The following ERC1 variants were observed in gnomAD, a reference collection of about 807,000 sequenced individuals.
ERC1 encodes RAB6 interacting protein 2.
In ERC1, 56 loss-of-function variants were observed where a neutral mutation model predicts 132.0. That is an observed-to-expected ratio of 0.42 (90% CI 0.34 to 0.53). The LOEUF (loss-of-function observed/expected upper bound fraction) is 0.53. Ranked by LOEUF, ERC1 falls within the 20% of genes least tolerant of loss-of-function variation. ERC1 has a pLI of 0.03. For synonymous variants in ERC1, 478 were observed against 476.1 expected (o/e 1.00, Z -0.05); for missense variants, 1,202 against 1,349.9 (o/e 0.89, Z 1.72).
intron 14 of ERC1, among the ~76,000 whole-genome samples, chr12:1,289,092 C>T (rs1448280041): frequency 2.0e-4 from 26 of 128,806 alleles, no homozygotes; most frequent in African/African-American, 8.7e-4. Flanking sequence ...TGTACACACA[C>T]ACACACACAC....
At chr12:1,374,328 A>G (rs544229360) in intron 16 of ERC1, among the ~76,000 whole-genome samples, 105 of 152,226 alleles carry the variant, frequency 6.9e-4, no homozygotes, top group African/African-American at 2.0e-3. Flanking sequence ...GGATATATAG[A>G]TTTGGGGGTC....
chr12:1,364,943 C>G (rs148278854), intron 15 of ERC1, among the ~76,000 whole-genome samples: 15 of 152,190 alleles, frequency 9.9e-5, no homozygotes, highest in Non-Finnish European at 1.9e-4. Context: ...ACCAAAATCT[C>G]TCTCTTTTGC....
chr12:1,128,494 C>A (rs1175783037), intron 7 of ERC1, among the ~76,000 whole-genome samples: 1 of 152,124 alleles, frequency 6.6e-6, no homozygotes, highest in Non-Finnish European at 1.5e-5. Flanking sequence ...CTCAGCCTCT[C>A]GTAGTGTTAG....
intron 2 of ERC1, among the ~76,000 whole-genome samples, chr12:1,033,867 T>G (rs1968559595): frequency 6.6e-6 from 1 of 152,102 alleles, no homozygotes; most frequent in Non-Finnish European, 1.5e-5. Flanking sequence ...TGACCTCAGG[T>G]GATCTGCCCG....
At chr12:1,028,790 T>TG (rs1432750565) in intron 2 of ERC1, among the ~76,000 whole-genome samples, 1 of 152,088 alleles carries the variant, frequency 6.6e-6, no homozygotes, top group Non-Finnish European at 1.5e-5. Flanking sequence ...CTCCCATTCT[T>TG]GCTTGGTTCT....
intron 17 of ERC1, chr12:1,443,178 C>G (rs1016789324): frequency 8.6e-5 from 13 of 152,024 alleles, no homozygotes; most frequent in African/African-American, 2.7e-4. Flanking sequence ...GTATTACAGG[C>G]GTGAGCCACC....
intron 18 of ERC1, among the ~76,000 whole-genome samples, chr12:1,460,152 G>A (rs7976604): frequency 0.017 from 2,630 of 152,054 alleles, 83 homozygotes; most frequent in African/African-American, 0.06. Flanking sequence ...GATGTTTCCC[G>A]CATCCTTCTA....
intron 18 of ERC1, among the ~76,000 whole-genome samples, chr12:1,459,224 TCCTAGAAA>T (rs1277149909): frequency 6.6e-6 from 1 of 152,264 alleles, no homozygotes; most frequent in African/African-American, 2.4e-5. Flanking sequence ...ATTTAGGGTC[TCCTAGAAA>T]ATGGTTTCTA....
intron 18 of ERC1, among the ~76,000 whole-genome samples, chr12:1,476,743 G>A (rs575904712): frequency 2.6e-4 from 39 of 152,144 alleles, no homozygotes; most frequent in African/African-American, 4.1e-4. Context: ...CTTTACACAG[G>A]TCTATACCCT....
intron 18 of ERC1, among the ~76,000 whole-genome samples, chr12:1,446,546 C>T (rs1241269893): frequency 1.3e-5 from 2 of 152,192 alleles, no homozygotes; most frequent in African/African-American, 4.8e-5. Flanking sequence ...TAAATACTTT[C>T]TATTTCTTAA....
intron 15 of ERC1, among the ~76,000 whole-genome samples, chr12:1,310,209 T>A (rs56817602): frequency 0.36 from 54,798 of 151,186 alleles, 10,258 homozygotes; most frequent in Middle Eastern, 0.44. Context: ...AAACAGTTCT[T>A]TTTTATTTTA....
In ERC1 at chr12:1,370,701, T is replaced by G. The variant is rs964091966; in HGVS notation, c.2781-1132T>G. Among the ~76,000 whole-genome samples the G allele has an allele frequency of 8.3e-5, 12 of 144,906 alleles. 1 individual carries two copies. Among genetic ancestry groups the G allele is most frequent in the African/African-American group, 3.5e-4 (12 of 34,504 alleles). ...AAATACTAAGTTCTTACTAATATAGTTTTTTTTAAAAGGTTAACAATTTTT... is the reference window on the plus strand; with the variant it reads ...AAATACTAAGTTCTTACTAATATAGGTTTTTTTAAAAGGTTAACAATTTTT... On this transcript the variant is annotated intron_variant, in intron 15 of 18. Coordinates refer to ENST00000360905, the MANE Select transcript of ERC1 (RefSeq NM_178040.4).
chr12:1,410,694 T>C (rs1350491577), intron 17 of ERC1, among the ~76,000 whole-genome samples: 1 of 151,740 alleles, frequency 6.6e-6, no homozygotes, highest in Non-Finnish European at 1.5e-5. Context: ...TGTAATTTCT[T>C]TTTATACATT....
At chr12:1,227,304 CT>C (rs2074660062) in intron 12 of ERC1, among the ~76,000 whole-genome samples, 1 of 152,146 alleles carries the variant, frequency 6.6e-6, no homozygotes, top group Admixed American at 6.6e-5. Flanking sequence ...TATCTTTTGT[CT>C]TTTTCATAGT....
intron 15 of ERC1, among the ~76,000 whole-genome samples, chr12:1,320,952 C>A (rs553481833): frequency 2.2e-4 from 34 of 152,216 alleles, no homozygotes; most frequent in Non-Finnish European, 4.3e-4. Flanking sequence ...CCGCCTGCCT[C>A]AGCTTCCCAA....
In ERC1 at chr12:1,083,550, G is replaced by A. The variant is rs1215223421; in HGVS notation, c.1056G>A (p.Gln352=). The change falls in exon 3 of 19, where the codon CAG becomes CAA. Residue 352 remains glutamine (Q), a synonymous_variant. Coordinates refer to ENST00000360905, the MANE Select transcript of ERC1 (RefSeq NM_178040.4). ...ATCACCTAGAAAGCCTTTTGGAGCA[G>A]AAGGAAAAAGAGAACAGTATGTTGA... The part of the protein sequence containing the change: ...HVHHLESLLE[Q]KEKENSMLRE... 2 of 1,604,356 alleles carry A rather than the reference G, an allele frequency of 1.2e-6. No individual in the cohort carries two copies. The highest frequency in any genetic ancestry group is 3.5e-5 in the Admixed American group (2 of 56,918).
chr12:1,148,193 G>A (rs1593714087), intron 8 of ERC1, among the ~76,000 whole-genome samples: 1 of 152,266 alleles, frequency 6.6e-6, no homozygotes, highest in African/African-American at 2.4e-5. Context: ...AAAAGTTTTT[G>A]TATTAGTCCA....
chr12:1,193,863 C>T (rs1955972176), intron 12 of ERC1, among the ~76,000 whole-genome samples: 1 of 152,164 alleles, frequency 6.6e-6, no homozygotes, highest in Non-Finnish European at 1.5e-5. Context: ...TTCACAAGCA[C>T]CATCTAGATT....
intron 12 of ERC1, among the ~76,000 whole-genome samples, chr12:1,197,067 A>G (rs1182282887): frequency 7.4e-6 from 1 of 135,248 alleles, no homozygotes; most frequent in African/African-American, 2.8e-5. Context: ...TGCAACCTCC[A>G]CCTCCCGGGC....
Sources: allele counts gnomAD v4.1 joint callset (sites outside exome capture counted in the v4.1 genomes callset), GRCh38; gene constraint gnomAD v4.1.1; transcripts MANE v1.5; gene names NCBI Gene and HGNC (gene_info 2026-07-23, HGNC 2026-07-21).